PACRG: variants seen among roughly 807,000 people sequenced by gnomAD.
The protein encoded by PACRG is parkin coregulated.
In PACRG, 29 loss-of-function variants were observed where a neutral mutation model predicts 29.7. The observed-to-expected ratio is 0.98, with a 90% CI of 0.73 to 1.33. The LOEUF (loss-of-function observed/expected upper bound fraction) is 1.33, where lower values mean the gene tolerates loss of function less well. Ranked by LOEUF, PACRG falls within the 40% of genes most tolerant of loss-of-function variation. The probability of loss-of-function intolerance (pLI) is 0.00; values close to 1 mark genes in which losing one functional copy is unlikely to be tolerated. For synonymous variants in PACRG, 116 were observed against 118.7 expected, an observed-to-expected ratio of 0.98 and a Z score of 0.15; for missense variants, 279 against 316.2, an observed-to-expected ratio of 0.88 and a Z score of 0.89.
At chr6:163,211,034 A>C (rs544267941) in intron 4 of PACRG, among the ~76,000 whole-genome samples, 1 of 152,320 alleles carries the variant, frequency 6.6e-6, no homozygotes, top group African/African-American at 2.4e-5. Context: ...CTTATTTGAC[A>C]ATACTAAATT....
chr6:163,041,610 T>G (rs1808731971), intron 2 of PACRG, among the ~76,000 whole-genome samples: 1 of 152,188 alleles, frequency 6.6e-6, no homozygotes, highest in South Asian at 2.1e-4. Context: ...TTAAATCTCT[T>G]TCCTTCGTAA....
At chr6:163,249,170 C>T (rs908702582) in intron 4 of PACRG, among the ~76,000 whole-genome samples, 7 of 152,092 alleles carry the variant, frequency 4.6e-5, no homozygotes, top group East Asian at 1.9e-4. Flanking sequence ...GTGGCCTGTA[C>T]GCTGAAACAA....
At chr6:163,103,260 G>A (rs1815198723) in intron 4 of PACRG, among the ~76,000 whole-genome samples, 1 of 152,178 alleles carries the variant, frequency 6.6e-6, no homozygotes, top group South Asian at 2.1e-4. Flanking sequence ...AGTTCTAATG[G>A]TTGCAGGACT....
At chr6:163,245,444 T>C (rs1235390732) in intron 4 of PACRG, among the ~76,000 whole-genome samples, 2 of 152,166 alleles carry the variant, frequency 1.3e-5, no homozygotes, top group Non-Finnish European at 2.9e-5. Flanking sequence ...GCTTTGTTCA[T>C]TCAAAAATCG....
At chr6:163,090,637 A>G (rs1363253004) in intron 4 of PACRG, among the ~76,000 whole-genome samples, 1 of 152,180 alleles carries the variant, frequency 6.6e-6, no homozygotes, top group African/African-American at 2.4e-5. Context: ...TTCATAGTTC[A>G]TATTTTTACC....
intron 4 of PACRG, among the ~76,000 whole-genome samples, chr6:163,313,111 T>C (rs888062516): frequency 8.0e-6 from 1 of 124,600 alleles, no homozygotes; most frequent in African/African-American, 2.8e-5. Context: ...TATATATATA[T>C]ACATATATAT....
At chr6:163,058,814 C>T (rs752028879) in intron 2 of PACRG, among the ~76,000 whole-genome samples, 3 of 152,292 alleles carry the variant, frequency 2.0e-5, no homozygotes, top group East Asian at 1.9e-4. Context: ...GTGGGAGAAT[C>T]GCGTGAACCC....
intron 2 of PACRG, among the ~76,000 whole-genome samples, chr6:163,048,511 A>G (rs535707937): frequency 2.0e-5 from 3 of 152,226 alleles, no homozygotes; most frequent in Admixed American, 6.5e-5. Flanking sequence ...ATTGAACTCT[A>G]TGGTTTCAGT....
chr6:163,163,700 T>C (rs1778665798), intron 4 of PACRG, among the ~76,000 whole-genome samples: 1 of 152,184 alleles, frequency 6.6e-6, no homozygotes, highest in Admixed American at 6.5e-5. Context: ...TTAGAAATGG[T>C]TTATGAGTCA....
chr6:163,264,331 G>A (rs1306745739), intron 4 of PACRG, among the ~76,000 whole-genome samples: 1 of 152,158 alleles, frequency 6.6e-6, no homozygotes, highest in Admixed American at 6.5e-5. Context: ...ATCCAGAGGA[G>A]ACCCCACCAG....
rs144269516 is a variant in PACRG at position 163,171,668 on chromosome 6, C to G, written c.613+82260C>G. Among the ~76,000 whole-genome samples, 714 of 152,244 alleles carry G rather than the reference C, an allele frequency of 4.7e-3. 1 individual carries two copies. The highest frequency in any genetic ancestry group is 0.016 in the African/African-American group (680 of 41,530). On this transcript the variant is annotated intron_variant, in intron 4 of 4. Coordinates refer to ENST00000366888, the MANE Select transcript of PACRG (RefSeq NM_001080379.2). ...CAGTTTCTCATGAGAGTAACTAAGC[C>G]CTTCCATCAGCTGTGGCCAGCTGGG...
At chr6:163,088,784 A>G (rs1585186865) in intron 3 of PACRG, among the ~76,000 whole-genome samples, 1 of 151,928 alleles carries the variant, frequency 6.6e-6, no homozygotes, top group African/African-American at 2.4e-5. Context: ...GGTGTTTGTA[A>G]CCAGCCTATA....
intron 2 of PACRG, among the ~76,000 whole-genome samples, chr6:162,935,773 A>T (rs1798193007): frequency 6.6e-6 from 1 of 152,138 alleles, no homozygotes; most frequent in Non-Finnish European, 1.5e-5. Flanking sequence ...GTGAACAGGA[A>T]CATTTCTTTC....
chr6:162,982,086 T>G (rs1450490234), intron 2 of PACRG, among the ~76,000 whole-genome samples: 1 of 151,950 alleles, frequency 6.6e-6, no homozygotes, highest in Non-Finnish European at 1.5e-5. Context: ...TGCATAAAGG[T>G]GTCTACAGTA....
intron 4 of PACRG, among the ~76,000 whole-genome samples, chr6:163,120,121 A>G (rs944763211): frequency 6.6e-6 from 1 of 152,136 alleles, no homozygotes; most frequent in Non-Finnish European, 1.5e-5. Context: ...TTTAGGGGGA[A>G]AGGCTGTGTT....
Position 163,055,498 on chromosome 6 carries a change from A to G in PACRG, c.292-6652A>G, listed in dbSNP as rs1466522295. On this transcript the variant is annotated intron_variant, in intron 2 of 4. Transcript: ENST00000366888. This position sits in a 1 kb window ranked among gnomAD's most constrained non-coding sequence, Gnocchi z 4.0. ...TTCATCCACTGAAAACAAAATTATTATAATAAAAAGGAACCCTGGAAGATA... is the reference window on the plus strand; with the variant it reads ...TTCATCCACTGAAAACAAAATTATTGTAATAAAAAGGAACCCTGGAAGATA... 1.3e-5 allele frequency among the ~76,000 whole-genome samples: 2 copies of G among 152,218 alleles called. No homozygotes were observed. Among genetic ancestry groups the G allele is most frequent in the Admixed American group, 1.3e-4 (2 of 15,288 alleles).
At chr6:163,268,406 A>AAAAAAAAAAAAAAAG (rs1053239849) in intron 4 of PACRG, among the ~76,000 whole-genome samples, 2 of 101,150 alleles carry the variant, frequency 2.0e-5, no homozygotes, top group Admixed American at 2.4e-4. Context: ...TCTCAAAGAA[A>AAAAAAAAAAAAAAAG]AAAAAAAAGA....
intron 2 of PACRG, among the ~76,000 whole-genome samples, chr6:163,057,408 C>T (rs899971355): frequency 6.6e-6 from 1 of 152,040 alleles, no homozygotes. Context: ...TAGTGATCAG[C>T]CTGAGCTGCT....
At chr6:163,247,919 C>G (rs995497376) in intron 4 of PACRG, among the ~76,000 whole-genome samples, 2 of 152,192 alleles carry the variant, frequency 1.3e-5, no homozygotes, top group Non-Finnish European at 2.9e-5. Context: ...AACCAGGGTC[C>G]TTTGAAAGAT....
Sources: gnomAD v4.1 joint callset for allele counts (sites outside exome capture counted in the v4.1 genomes callset) on GRCh38, gnomAD v4.1.1 for gene constraint, Gnocchi (gnomAD v3.1) non-coding constraint, MANE v1.5 for transcripts, NCBI Gene and HGNC (gene_info 2026-07-23, HGNC 2026-07-21) for gene names.